LRRTM4: variants seen among roughly 807,000 people sequenced by gnomAD.
LRRTM4 encodes the protein leucine-rich repeat transmembrane neuronal protein 4.
In LRRTM4, 25 loss-of-function variants were observed where a neutral mutation model predicts 47.6. That is an observed-to-expected ratio of 0.53 (90% CI 0.38 to 0.73). The LOEUF is 0.73. Ranked by LOEUF, LRRTM4 falls within the 30% of genes least tolerant of loss-of-function variation. The pLI is 0.00. For missense variants in LRRTM4, 638 were observed against 713.4 expected, an observed-to-expected ratio of 0.89 and a Z score of 1.20; for synonymous variants, 311 against 269.5, an observed-to-expected ratio of 1.15 and a Z score of -1.51.
At chr2:77,153,243 T>C (rs1375223353) in intron 3 of LRRTM4, among the ~76,000 whole-genome samples, 1 of 152,142 alleles carries the variant, frequency 6.6e-6, no homozygotes, top group Non-Finnish European at 1.5e-5. Flanking sequence ...ATGTACTTAA[T>C]AGTCATCTGT....
chr2:76,821,530 C>T (rs1671052693), intron 3 of LRRTM4, among the ~76,000 whole-genome samples: 1 of 151,536 alleles, frequency 6.6e-6, no homozygotes, highest in African/African-American at 2.4e-5. Context: ...TAAAAATGTA[C>T]AAAACCAGCT....
chr2:77,447,200 A>T (rs930526007), intron 3 of LRRTM4, among the ~76,000 whole-genome samples: 1 of 149,002 alleles, frequency 6.7e-6, no homozygotes, highest in African/African-American at 2.5e-5. Context: ...AGTCAGTTCT[A>T]CTATAACACT....
At chr2:76,846,268 C>G (rs1467084727) in intron 3 of LRRTM4, among the ~76,000 whole-genome samples, 2 of 152,238 alleles carry the variant, frequency 1.3e-5, no homozygotes, top group South Asian at 2.1e-4. Context: ...CTCCCAAGGG[C>G]TGCCCTGCAC....
chr2:76,822,916 A>T (rs1671093707), intron 3 of LRRTM4, among the ~76,000 whole-genome samples: 1 of 151,456 alleles, frequency 6.6e-6, no homozygotes, highest in Non-Finnish European at 1.5e-5. Flanking sequence ...AAAAGTAATA[A>T]AATTATTTCA....
intron 3 of LRRTM4, among the ~76,000 whole-genome samples, chr2:76,852,001 ATGT>A (rs1383518814): frequency 5.3e-5 from 8 of 152,074 alleles, no homozygotes; most frequent in African/African-American, 1.9e-4. Context: ...ATCATATTGC[ATGT>A]ACATTAAAGA....
rs138676857 is a variant in LRRTM4, at chr2:77,293,026, T to C, written c.1551+225292A>G. Among the ~76,000 whole-genome samples the C allele has an allele frequency of 4.8e-3, 730 of 151,976 alleles. 2 individuals are homozygous for C. The highest frequency in any genetic ancestry group is 0.016 in the African/African-American group (684 of 41,486). On this transcript the variant is annotated intron_variant, in intron 3 of 3. Transcript: ENST00000409884. ...TATACCATATTGTGTCAAGAGGAAA[T>C]TTTTCAGTTTGACATAAAATCAGTA...
At chr2:77,107,385 G>A (rs1418808849) in intron 3 of LRRTM4, among the ~76,000 whole-genome samples, 1 of 152,054 alleles carries the variant, frequency 6.6e-6, no homozygotes, top group Non-Finnish European at 1.5e-5. Context: ...TCTTTTATAT[G>A]GTAAAAGAAG....
chr2:77,219,418 A>G (rs757090514), intron 3 of LRRTM4, among the ~76,000 whole-genome samples: 2 of 152,188 alleles, frequency 1.3e-5, no homozygotes, highest in African/African-American at 2.4e-5. Flanking sequence ...TTCCCCCAGA[A>G]GTCTGAATTT....
chr2:76,885,093 C>A (rs1673032255), intron 3 of LRRTM4, among the ~76,000 whole-genome samples: 1 of 151,812 alleles, frequency 6.6e-6, no homozygotes, highest in African/African-American at 2.4e-5. Flanking sequence ...CTTGGGTTGA[C>A]TGATTTTCTT....
At chr2:77,480,818 GTGTGGAGAGAGAGAGAGAGAGAGA>G (rs1558763461) in intron 3 of LRRTM4, among the ~76,000 whole-genome samples, 1 of 114,902 alleles carries the variant, frequency 8.7e-6, no homozygotes, top group South Asian at 3.5e-4. Context: ...GTGTGTGTGT[GTGTGGAGAGAGAGAGAGAGAGAGA>G]GAGAGAGAGA....
chr2:77,284,652 C>A (rs183240075), intron 3 of LRRTM4, among the ~76,000 whole-genome samples: 1 of 152,062 alleles, frequency 6.6e-6, no homozygotes, highest in Admixed American at 6.6e-5. Flanking sequence ...TTCTTAAGAT[C>A]AACTAGAAGT....
intron 3 of LRRTM4, among the ~76,000 whole-genome samples, chr2:77,073,664 T>C (rs1388727648): frequency 6.6e-6 from 1 of 152,142 alleles, no homozygotes; most frequent in Non-Finnish European, 1.5e-5. Context: ...TTGAAAAATA[T>C]GGGTATAATG....
intron 3 of LRRTM4, among the ~76,000 whole-genome samples, chr2:76,863,841 C>A (rs571058291): frequency 2.0e-5 from 3 of 152,138 alleles, no homozygotes; most frequent in Admixed American, 6.5e-5. Context: ...TATCTCATAT[C>A]ATTAACACTC....
intron 3 of LRRTM4, among the ~76,000 whole-genome samples, chr2:76,898,716 A>G (rs2103736488): frequency 6.6e-6 from 1 of 151,688 alleles, no homozygotes; most frequent in East Asian, 1.9e-4. Context: ...TATGGAAAAT[A>G]TCTACTATAT....
At chr2:76,945,049 CTT>C (rs1675277824) in intron 3 of LRRTM4, among the ~76,000 whole-genome samples, 1 of 152,036 alleles carries the variant, frequency 6.6e-6, no homozygotes, top group South Asian at 2.1e-4. Context: ...GATTCAAAAA[CTT>C]TAATTCAGCT....
intron 3 of LRRTM4, among the ~76,000 whole-genome samples, chr2:76,779,247 G>T (rs1376138706): frequency 2.6e-5 from 4 of 151,894 alleles, no homozygotes; most frequent in Non-Finnish European, 2.9e-5. Flanking sequence ...GTTGATTTGG[G>T]GTGGAGAGTT....
chr2:77,236,036 T>A (rs186732480), intron 3 of LRRTM4, among the ~76,000 whole-genome samples: 2 of 152,284 alleles, frequency 1.3e-5, no homozygotes, highest in East Asian at 3.9e-4. Flanking sequence ...TTAGAATCTT[T>A]TTTTTCTAAT....
At chr2:77,145,960 A>G (rs908058892) in intron 3 of LRRTM4, among the ~76,000 whole-genome samples, 1 of 152,150 alleles carries the variant, frequency 6.6e-6, no homozygotes, top group Non-Finnish European at 1.5e-5. Context: ...CATCACTGTA[A>G]CAGCTCATTC....
At chr2:77,455,686 T>C (rs139308220) in intron 3 of LRRTM4, among the ~76,000 whole-genome samples, 171 of 152,264 alleles carry the variant, frequency 1.1e-3, no homozygotes, top group East Asian at 4.3e-3. Flanking sequence ...GGCTGTGCAT[T>C]CTGTCCTCAT....
Sources: allele counts gnomAD v4.1 joint callset (sites outside exome capture counted in the v4.1 genomes callset), GRCh38; gene constraint gnomAD v4.1.1; transcripts MANE v1.5; gene names NCBI Gene and HGNC (gene_info 2026-07-23, HGNC 2026-07-21).